Variants in HAPSTR1 observed in about 807,000 individuals in gnomAD.
HAPSTR1 encodes the protein HUWE1 associated protein modifying stress responses.
At chr16:9,114,078 A>G in the HAPSTR1 span, among the ~76,000 whole-genome samples, 8 of 152,226 alleles carry the variant, frequency 5.3e-5, no homozygotes, top group African/African-American at 1.9e-4. Context: ...GGTTGATTGT[A>G]CCATGCTGTA....
At chr16:9,120,766 C>T in the HAPSTR1 span, 1 of 150,552 alleles carries the variant, frequency 6.6e-6, no homozygotes, top group Non-Finnish European at 1.5e-5. Context: ...CAACCTCTGC[C>T]TCCTGGGTTC....
chr16:9,103,488 T>A, the HAPSTR1 span: 1 of 510,536 alleles, frequency 2.0e-6, no homozygotes, highest in Non-Finnish European at 3.4e-6. Context: ...CTTATTGGTG[T>A]TAAAATGACA....
chr16:9,091,994 C>G, the HAPSTR1 span: 1 of 1,436,038 alleles, frequency 7.0e-7, no homozygotes, highest in Middle Eastern at 2.5e-4. Context: ...GGGGCCCCGC[C>G]TGAGGAGGAC....
chr16:9,099,014 G>A, the HAPSTR1 span, among the ~76,000 whole-genome samples: 2 of 152,092 alleles, frequency 1.3e-5, no homozygotes, highest in Non-Finnish European at 2.9e-5. Flanking sequence ...AGAAAGTTAT[G>A]ATTTGGTCTT....
chr16:9,111,979 A>C, the HAPSTR1 span: 1 of 152,198 alleles, frequency 6.6e-6, no homozygotes, highest in Non-Finnish European at 1.5e-5. Flanking sequence ...TGTCTTTGAA[A>C]AATGGAAAAC....
chr16:9,118,809 T>C, the HAPSTR1 span: 1 of 152,698 alleles, frequency 6.5e-6, no homozygotes, highest in East Asian at 1.9e-4. Flanking sequence ...CCAGAACTCC[T>C]ATTCCTAAAA....
chr16:9,107,297 CG>C, the HAPSTR1 span: 1 of 152,210 alleles, frequency 6.6e-6, no homozygotes, highest in African/African-American at 2.4e-5. Context: ...AAACATAGAG[CG>C]ATTCCTTTTT....
chr16:9,091,907 C>A, the HAPSTR1 span: 1 of 666,992 alleles, frequency 1.5e-6, no homozygotes. Context: ...GTGCAGGAGG[C>A]CTGGGCCGCT....
the HAPSTR1 span, among the ~76,000 whole-genome samples, chr16:9,092,654 AG>A: frequency 2.3e-5 from 3 of 127,766 alleles, no homozygotes; most frequent in South Asian, 7.2e-4. Context: ...GGGGACTGCC[AG>A]GGGGGGCGCT....
chr16:9,110,663 C>T, the HAPSTR1 span: 6 of 152,214 alleles, frequency 3.9e-5, no homozygotes, highest in Non-Finnish European at 2.9e-5. Flanking sequence ...ACTCTTCTAC[C>T]TCTTCCATCA....
chr16:9,094,353 C>A, the HAPSTR1 span, among the ~76,000 whole-genome samples: 3 of 151,894 alleles, frequency 2.0e-5, no homozygotes, highest in Non-Finnish European at 4.4e-5. Context: ...TCAGTGCTGA[C>A]GGTCTTGAAC....
At chr16:9,116,794 T>C in the HAPSTR1 span, 3 of 1,614,042 alleles carry the variant, frequency 1.9e-6, no homozygotes, top group South Asian at 1.1e-5. Flanking sequence ...TTGAACACTT[T>C]CATATCAGAA....
chr16:9,092,890 T>C, the HAPSTR1 span: 8 of 1,528,430 alleles, frequency 5.2e-6, no homozygotes, highest in South Asian at 6.0e-5. Context: ...TTTTTCTTTT[T>C]GGTTTTTTTT....
chr16:9,102,093 CAG>C, the HAPSTR1 span, among the ~76,000 whole-genome samples: 1 of 152,180 alleles, frequency 6.6e-6, no homozygotes. Flanking sequence ...GCCTGGGCAA[CAG>C]AGAGACTCCG....
chr16:9,094,014 A>G, the HAPSTR1 span, among the ~76,000 whole-genome samples: 1 of 152,268 alleles, frequency 6.6e-6, no homozygotes, highest in South Asian at 2.1e-4. Context: ...TAGGCCATAT[A>G]TAGGTTGAAA....
the HAPSTR1 span, chr16:9,120,264 C>G: frequency 6.6e-6 from 1 of 152,216 alleles, no homozygotes; most frequent in African/African-American, 2.4e-5. Context: ...ATGGTACCTG[C>G]TACCCCTTCT....
the HAPSTR1 span, chr16:9,111,430 G>A: frequency 6.6e-6 from 1 of 152,144 alleles, no homozygotes; most frequent in African/African-American, 2.4e-5. Flanking sequence ...ATGTCCCTTT[G>A]TTCAAACCAG....
the HAPSTR1 span, chr16:9,091,765 G>A: frequency 1.0e-5 from 4 of 396,916 alleles, no homozygotes; most frequent in East Asian, 1.1e-4. Context: ...AGGCTGCGGC[G>A]GCCGAGGCGA....
chr16:9,114,838 A>G, the HAPSTR1 span, among the ~76,000 whole-genome samples: 2 of 152,236 alleles, frequency 1.3e-5, no homozygotes, highest in Non-Finnish European at 2.9e-5. Context: ...TCACCTGCAG[A>G]ATGGAGATAT....
Sources: allele counts gnomAD v4.1 joint callset (sites outside exome capture counted in the v4.1 genomes callset), GRCh38; gene constraint gnomAD v4.1.1; transcripts MANE v1.5; gene names NCBI Gene and HGNC (gene_info 2026-07-23, HGNC 2026-07-21).